Variants in EPHA5 observed in about 807,000 individuals in gnomAD.
EPHA5 encodes EPH receptor A5.
In EPHA5, 60 loss-of-function variants were observed where a neutral mutation model predicts 105.0. That is an observed-to-expected ratio of 0.57 (90% confidence interval 0.46 to 0.71). EPHA5 has a LOEUF of 0.71. Ranked by LOEUF, EPHA5 falls within the 30% of genes least tolerant of loss-of-function variation. EPHA5 has a pLI of 0.00. For missense variants in EPHA5, 1,218 were observed against 1,274.7 expected (o/e 0.96, Z 0.68); for synonymous variants, 513 against 449.1 (o/e 1.14, Z -1.80).
At chr4:65,365,451 T>C (rs1288892922) in intron 10 of EPHA5, among the ~76,000 whole-genome samples, 2 of 151,044 alleles carry the variant, frequency 1.3e-5, no homozygotes, top group Non-Finnish European at 3.0e-5. Context: ...TAACTTCCTC[T>C]ATCTCACTTA....
intron 8 of EPHA5, among the ~76,000 whole-genome samples, chr4:65,374,690 C>G (rs963081233): frequency 1.3e-5 from 2 of 151,748 alleles, no homozygotes; most frequent in African/African-American, 4.8e-5. Flanking sequence ...ATATTAAGGT[C>G]AAAACTAACC....
In EPHA5 at chr4:65,322,738, G is replaced by T. The variant is rs975455911; in HGVS notation, c.*1376C>A. The T allele has an allele frequency of 4.4e-5, 10 of 225,966 alleles. No homozygotes were observed. The highest frequency in any genetic ancestry group is 7.9e-5 in the Non-Finnish European group (9 of 113,664). 14.0% of individuals were successfully genotyped at this position (225,966 alleles called of 1,614,324 possible). ...AAAGCCATGTAACTGAATACAAACT[G>T]AAATTAACAAATGAATAAACATCCA... On this transcript the variant is annotated 3_prime_UTR_variant, in exon 17 of 17. Transcript: ENST00000613740.
At chr4:65,611,430 T>C (rs1385585764) in intron 2 of EPHA5, among the ~76,000 whole-genome samples, 2 of 151,838 alleles carry the variant, frequency 1.3e-5, no homozygotes, top group East Asian at 3.9e-4. Flanking sequence ...ACTATTTCAC[T>C]TGGGATTCAG....
intron 3 of EPHA5, among the ~76,000 whole-genome samples, chr4:65,529,999 T>C (rs560134965): frequency 1.3e-5 from 2 of 152,100 alleles, no homozygotes; most frequent in Non-Finnish European, 2.9e-5. Flanking sequence ...CTATCAACAA[T>C]TTTAAAAAAC....
At chr4:65,630,568 C>T (rs1020142610) in intron 2 of EPHA5, among the ~76,000 whole-genome samples, 6 of 152,290 alleles carry the variant, frequency 3.9e-5, no homozygotes, top group Middle Eastern at 3.4e-3. Context: ...AAGTTGCCTG[C>T]TTGGCCCTCT....
intron 5 of EPHA5, among the ~76,000 whole-genome samples, chr4:65,468,559 T>TAA (rs1728948887): frequency 1.7e-5 from 1 of 58,002 alleles, no homozygotes; most frequent in African/African-American, 7.3e-5. Context: ...AATATATATA[T>TAA]TATATATTAT....
At position 65,366,007 on chromosome 4, in the gene EPHA5, G is replaced by C. The variant is rs760259202; in HGVS notation, c.1912C>G (p.Pro638Ala). Reference protein sequence around the residue: ...TYIDPHTYEDPNQAVHEFAKE... With the variant: ...TYIDPHTYEDANQAVHEFAKE... ...GCAAATTCGTGGACAGCTTGATTGG[G>C]ATCCTCATAGGTATGTGGATCAATG... Residue 638 changes from proline (P) to alanine (A), a missense_variant, in exon 10 of 17, where the codon CCC (proline) becomes GCC (alanine). Transcript: ENST00000613740. The C allele has an allele frequency of 1.2e-6, 2 of 1,607,416 alleles. No individual in the cohort carries two copies. Among genetic ancestry groups the C allele is most frequent in the African/African-American group, 2.7e-5 (2 of 74,708 alleles).
chr4:65,664,505 G>A (rs972666445), intron 1 of EPHA5, among the ~76,000 whole-genome samples: 2 of 151,730 alleles, frequency 1.3e-5, no homozygotes, highest in African/African-American at 4.8e-5. Flanking sequence ...TACACCCATA[G>A]GAATATCTGT....
In EPHA5 at chr4:65,390,942, G is replaced by T. The variant is rs1560485493; in HGVS notation, c.1793+13432C>A. ...CATACTGCTATAAAGAACTGCTGGA[G>T]ACCGGGTAATTTATAAGAGAAAGTG... On this transcript the variant is annotated intron_variant, in intron 8 of 16. Transcript: ENST00000613740. Among the ~76,000 whole-genome samples, 3 of 152,132 alleles carry T rather than the reference G, an allele frequency of 2.0e-5. No individual in the cohort carries two copies. In the East Asian group the frequency reaches 5.8e-4, roughly 30 times the overall value.
rs138205501 is a variant in EPHA5, at chr4:65,579,973, T to C, written c.910+21668A>G. 3.1e-3 allele frequency among the ~76,000 whole-genome samples: 478 copies of C among 152,074 alleles called. 3 individuals carry two copies. Among genetic ancestry groups the C allele is most frequent in the East Asian group, 0.024 (122 of 5,182 alleles). ...ATCATGCGAAATTTAATAGTCTTTA[T>C]TAATATTTGAGAAAATGTCCTAAAG... is the stretch of plus-strand genomic sequence containing the variant. On this transcript the variant is annotated intron_variant, in intron 3 of 16. Coordinates refer to ENST00000613740, the MANE Select transcript of EPHA5 (RefSeq NM_001281766.3).
intron 3 of EPHA5, among the ~76,000 whole-genome samples, chr4:65,498,804 T>C (rs116295425): frequency 2.6e-5 from 4 of 151,612 alleles, no homozygotes; most frequent in Non-Finnish European, 5.9e-5. Context: ...GTAATGCAAA[T>C]AGATGTTTAG....
At chr4:65,526,498 A>C (rs1735243895) in intron 3 of EPHA5, among the ~76,000 whole-genome samples, 1 of 151,724 alleles carries the variant, frequency 6.6e-6, no homozygotes, top group Non-Finnish European at 1.5e-5. Context: ...TCATGGTCTC[A>C]AAATAGTTTT....
intron 14 of EPHA5, among the ~76,000 whole-genome samples, chr4:65,342,103 T>C (rs1030053689): frequency 6.6e-6 from 1 of 152,124 alleles, no homozygotes; most frequent in African/African-American, 2.4e-5. Context: ...TTTATAATCA[T>C]TGAAACTGAC....
At chr4:65,655,483 T>A (rs1027189515) in intron 1 of EPHA5, among the ~76,000 whole-genome samples, 10 of 152,130 alleles carry the variant, frequency 6.6e-5, no homozygotes, top group Non-Finnish European at 5.9e-5. Context: ...ATGAGGTGAA[T>A]CTACCTATTA....
intron 3 of EPHA5, among the ~76,000 whole-genome samples, chr4:65,582,324 T>C (rs1318691335): frequency 6.6e-6 from 1 of 151,600 alleles, no homozygotes; most frequent in Non-Finnish European, 1.5e-5. Flanking sequence ...TAACTTTCCA[T>C]TTTAAATTTT....
intron 8 of EPHA5, chr4:65,377,074 A>C (rs1242734715): frequency 6.2e-7 from 1 of 1,607,234 alleles, no homozygotes; most frequent in Non-Finnish European, 8.5e-7. Flanking sequence ...CTGAAAAGCA[A>C]ACAAGAGAGC....
At position 65,573,586 on chromosome 4, in the gene EPHA5, G is replaced by A. The variant is rs4608858; in HGVS notation, c.910+28055C>T. ...AAAAAGCCCAAGAAGGGGAAGCCCC[G>A]TTGCAGCCGCAACCCTGTCCTTGTC... On this transcript the variant is annotated intron_variant, in intron 3 of 16. Transcript: ENST00000613740. The A allele has an allele frequency of 2.3e-5, 36 of 1,598,630 alleles. No homozygotes were observed. The East Asian group carries it at 6.0e-4, about 27-fold the overall frequency.
At chr4:65,419,379 A>T (rs1177530442) in intron 6 of EPHA5, among the ~76,000 whole-genome samples, 1 of 151,682 alleles carries the variant, frequency 6.6e-6, no homozygotes, top group African/African-American at 2.4e-5. Context: ...CATCCCTTTT[A>T]CTCTTCCAGA....
rs1465495151 is a variant in EPHA5 at position 65,320,709 on chromosome 4, T to C, written c.*3405A>G. ...ACATGAAAACACATAAGTGCTCAAA[T>C]GATATTAACTTTCCATTTTAAACTT... On this transcript the variant is annotated 3_prime_UTR_variant, in exon 17 of 17. Transcript: ENST00000613740. The C allele has an allele frequency of 1.3e-5, 3 of 230,234 alleles. No homozygotes were observed. The highest frequency in any genetic ancestry group is 1.2e-4 in the East Asian group (2 of 16,292). 14.3% of individuals were successfully genotyped at this position (230,234 alleles called of 1,614,324 possible). A position where few individuals can be genotyped will look rare whatever the true frequency, so the allele number is the denominator to read the frequency against.
Sources: allele counts gnomAD v4.1 joint callset (sites outside exome capture counted in the v4.1 genomes callset), GRCh38; gene constraint gnomAD v4.1.1; transcripts MANE v1.5; gene names NCBI Gene and HGNC (gene_info 2026-07-23, HGNC 2026-07-21).